INSR: variants seen among roughly 807,000 people sequenced by gnomAD.
INSR encodes the protein insulin receptor.
In INSR, 67 loss-of-function variants were observed where a neutral mutation model predicts 142.6. That is an observed-to-expected ratio of 0.47 (90% CI 0.39 to 0.58). The LOEUF (loss-of-function observed/expected upper bound fraction) is 0.58. Among genes scored for constraint, INSR ranks in the 20% least tolerant of loss-of-function variants. The probability of loss-of-function intolerance (pLI) is 0.00; values close to 1 mark genes in which losing one functional copy is unlikely to be tolerated. For synonymous variants in INSR, 756 were observed against 743.1 expected (o/e 1.02, Z -0.28); for missense variants, 1,248 against 1,833.2 (o/e 0.68, Z 5.83).
chr19:7,245,991 C>CA (rs900520015), intron 2 of INSR, among the ~76,000 whole-genome samples: 24 of 151,106 alleles, frequency 1.6e-4, no homozygotes, highest in South Asian at 1.5e-3. Flanking sequence ...AATTCCTACT[C>CA]AAAAAAAAAT....
chr19:7,120,570 C>T, intron 20 of INSR, 50 bp downstream of exon 20: 1 of 1,611,870 alleles, frequency 6.2e-7, no homozygotes, highest in Non-Finnish European at 8.5e-7. Context: ...CTCTCACTAG[C>T]ACCTGGAATT....
In INSR at chr19:7,116,932, G is replaced by A; in HGVS notation, c.*124C>T. ...ACCTTAAGATGAACAGAAATGTATA[G>A]GAACGATCTCTGAACTCCATTGGAC... On this transcript the variant is annotated 3_prime_UTR_variant, in exon 22 of 22. Transcript: ENST00000302850. 1 of 822,910 alleles carries A rather than the reference G, an allele frequency of 1.2e-6. No homozygotes were observed. Among genetic ancestry groups the A allele is most frequent in the Non-Finnish European group, 2.1e-6 (1 of 467,426 alleles). 51.0% of individuals were successfully genotyped at this position (822,910 alleles called of 1,614,324 possible). A position where few individuals can be genotyped will look rare whatever the true frequency, so the allele number is the denominator to read the frequency against.
In INSR at chr19:7,150,555, T is replaced by A; in HGVS notation, c.2232-23A>T. Reference sequence around the variant, plus strand: ...TTTCTGTGGAAACAAAACCAACGCCTTTGAGGACAGAGGGAACTTCATTAG... The same window carrying A: ...TTTCTGTGGAAACAAAACCAACGCCATTGAGGACAGAGGGAACTTCATTAG... On this transcript the variant is annotated intron_variant, in intron 10 of 21. Transcript: ENST00000302850. The surrounding 1 kb of genome is among the most constrained non-coding windows in gnomAD (Gnocchi z 4.2). 6.2e-7 allele frequency: 1 copy of A among 1,613,704 alleles called. No homozygotes were observed.
intron 2 of INSR, among the ~76,000 whole-genome samples, chr19:7,250,276 G>T (rs1376248636): frequency 1.5e-5 from 2 of 137,564 alleles, no homozygotes; most frequent in Non-Finnish European, 3.1e-5. Context: ...GAGGAGAGGG[G>T]AAGGAGGGGA....
chr19:7,284,350 C>T (rs933142701), intron 1 of INSR, among the ~76,000 whole-genome samples: 27 of 152,106 alleles, frequency 1.8e-4, no homozygotes, highest in Non-Finnish European at 2.9e-4. Context: ...AGATGTGAGC[C>T]ACCGTGCCCC....
intron 13 of INSR, among the ~76,000 whole-genome samples, chr19:7,132,997 C>T (rs1490106872): frequency 6.6e-6 from 1 of 152,120 alleles, no homozygotes. Flanking sequence ...CACAGTGGCT[C>T]GTGCCTGTAA....
rs1162971101 is a variant in INSR, at chr19:7,225,410, A to G, written c.653-40773T>C. Among the ~76,000 whole-genome samples, 1 of 151,404 alleles carries G rather than the reference A, an allele frequency of 6.6e-6. No homozygotes were observed. Among genetic ancestry groups the G allele is most frequent in the Non-Finnish European group, 1.5e-5 (1 of 67,856 alleles). On this transcript the variant is annotated intron_variant, in intron 2 of 21. Transcript: ENST00000302850. The surrounding 1 kb of genome is among the most constrained non-coding windows in gnomAD (Gnocchi z 4.7). ...CCACCCCCGCCCCACCACCAAGCCA[A>G]AATGCTTGAGTGACACTCTCTGATT...
intron 19 of INSR, among the ~76,000 whole-genome samples, chr19:7,121,550 T>A (rs569668893): frequency 1.4e-3 from 210 of 152,144 alleles, no homozygotes; most frequent in African/African-American, 4.8e-3. Context: ...CACTGCAGCC[T>A]CCACCTCCTG....
At chr19:7,144,763 A>T (rs1380402766) in intron 11 of INSR, among the ~76,000 whole-genome samples, 3 of 144,264 alleles carry the variant, frequency 2.1e-5, no homozygotes, top group Non-Finnish European at 3.0e-5. Context: ...TTGTCTTATT[A>T]CTTCCCCAAA....
rs996314451 is a variant in INSR at position 7,259,164 on chromosome 19, C to A, written c.652+8181G>T. On this transcript the variant is annotated intron_variant, in intron 2 of 21. Coordinates refer to ENST00000302850, the MANE Select transcript of INSR (RefSeq NM_000208.4). Reference sequence around the variant, plus strand: ...TTCCTTTTTTCCTTCCTTTTCTTTTCTTTCTTCCCTCCTTCCTTCCTTCCC... The same window carrying A: ...TTCCTTTTTTCCTTCCTTTTCTTTTATTTCTTCCCTCCTTCCTTCCTTCCC... Among the ~76,000 whole-genome samples, 25 of 132,566 alleles carry A rather than the reference C, an allele frequency of 1.9e-4. 1 individual carries two copies. The highest frequency in any genetic ancestry group is 7.0e-4 in the African/African-American group (25 of 35,588). 87.0% of individuals were successfully genotyped at this position (132,566 alleles called of 152,430 possible).
chr19:7,233,668 C>CTTTTTTTTTTTTTTTTTTTTTTTTTTTT (rs35763064), intron 2 of INSR, among the ~76,000 whole-genome samples: 5 of 72,408 alleles, frequency 6.9e-5, no homozygotes, highest in Non-Finnish European at 1.2e-4. Flanking sequence ...CTTTTTCTGT[C>CTTTTTTTTTTTTTTTTTTTTTTTTTTTT]TTTTTTTTTT....
chr19:7,152,390 AAAAAG>A (rs1973390543), intron 10 of INSR: 2 of 298,358 alleles, frequency 6.7e-6, no homozygotes, highest in African/African-American at 2.6e-5. Context: ...AAAAAAAAAA[AAAAAG>A]AGAGAGAGAG....
chr19:7,208,952 A>G (rs1422221017), intron 2 of INSR, among the ~76,000 whole-genome samples: 1 of 152,116 alleles, frequency 6.6e-6, no homozygotes, highest in Non-Finnish European at 1.5e-5. Flanking sequence ...GCAGTGAGCC[A>G]AGATGGCGCC....
intron 2 of INSR, among the ~76,000 whole-genome samples, chr19:7,188,730 C>T (rs1974498860): frequency 6.6e-6 from 1 of 151,432 alleles, no homozygotes; most frequent in Non-Finnish European, 1.5e-5. Context: ...AAAAATTAGT[C>T]GGGTGTGGTG....
intron 17 of INSR, among the ~76,000 whole-genome samples, chr19:7,123,750 C>T (rs1274641455): frequency 6.7e-6 from 1 of 150,018 alleles, no homozygotes; most frequent in African/African-American, 2.5e-5. Flanking sequence ...TGGCGAAACC[C>T]CATCTCTACT....
intron 2 of INSR, among the ~76,000 whole-genome samples, chr19:7,249,993 A>C (rs1976661458): frequency 6.6e-6 from 1 of 151,284 alleles, no homozygotes; most frequent in African/African-American, 2.4e-5. Flanking sequence ...CTCTGTCTCA[A>C]AAAAAAATAA....
chr19:7,206,784 AAAAG>A (rs1178482528), intron 2 of INSR, among the ~76,000 whole-genome samples: 7 of 152,072 alleles, frequency 4.6e-5, no homozygotes, highest in African/African-American at 1.4e-4. Context: ...AACAAACAAA[AAAAG>A]AGTCATCAAG....
intron 9 of INSR, among the ~76,000 whole-genome samples, chr19:7,161,016 T>G (rs184052927): frequency 7.0e-4 from 99 of 141,818 alleles, no homozygotes; most frequent in Middle Eastern, 3.7e-3. Context: ...AAAAAGAAAA[T>G]AATAATAATA....
rs1046328224 is a variant in INSR at position 7,112,310 on chromosome 19, T to G, written c.*4746A>C. The G allele has an allele frequency of 1.3e-5, 2 of 152,162 alleles. No homozygotes were observed. Among genetic ancestry groups the G allele is most frequent in the Non-Finnish European group, 2.9e-5 (2 of 68,032 alleles). 9.4% of individuals were successfully genotyped at this position (152,162 alleles called of 1,614,324 possible). A position where few individuals can be genotyped will look rare whatever the true frequency, so the allele number is the denominator to read the frequency against. Reference sequence around the variant, plus strand: ...TATAAACAGGTCATTATCCCATATTTTACATGCAGAACGATTTCAATATTC... The same window carrying G: ...TATAAACAGGTCATTATCCCATATTGTACATGCAGAACGATTTCAATATTC... On this transcript the variant is annotated 3_prime_UTR_variant, in exon 22 of 22. Transcript: ENST00000302850.
Sources: gnomAD v4.1 joint callset for allele counts (sites outside exome capture counted in the v4.1 genomes callset) on GRCh38, gnomAD v4.1.1 for gene constraint, Gnocchi (gnomAD v3.1) non-coding constraint, MANE v1.5 for transcripts, NCBI Gene and HGNC (gene_info 2026-07-23, HGNC 2026-07-21) for gene names.